The following FHIT variants were observed in gnomAD, a reference collection of about 807,000 sequenced individuals.
FHIT encodes fragile histidine triad diadenosine triphosphatase.
FHIT carries 19 observed loss-of-function variants against 17.9 expected under a neutral mutation model. That is an observed-to-expected ratio of 1.06 (90% CI 0.74 to 1.56). FHIT has a LOEUF of 1.56. FHIT is among the 40% of genes most tolerant of loss of function. FHIT has a pLI of 0.00. For missense variants in FHIT, 248 were observed against 189.2 expected, an observed-to-expected ratio of 1.31 and a Z score of -1.82; for synonymous variants, 81 against 69.7, an observed-to-expected ratio of 1.16 and a Z score of -0.81.
intron 3 of FHIT, among the ~76,000 whole-genome samples, chr3:60,961,903 G>C (rs1395444777): frequency 6.6e-6 from 1 of 152,150 alleles, no homozygotes; most frequent in Non-Finnish European, 1.5e-5. Flanking sequence ...GATTGACTTG[G>C]CAATGTGGGC....
At chr3:59,881,249 T>G (rs2106953725) in intron 8 of FHIT, among the ~76,000 whole-genome samples, 1 of 152,274 alleles carries the variant, frequency 6.6e-6, no homozygotes, top group South Asian at 2.1e-4. Flanking sequence ...AGAGGCCAGG[T>G]TCCAACCCAT....
chr3:60,277,053 T>C (rs1707177780), intron 5 of FHIT, among the ~76,000 whole-genome samples: 1 of 151,960 alleles, frequency 6.6e-6, no homozygotes, highest in Non-Finnish European at 1.5e-5. Context: ...AGCTAGAACT[T>C]TCAGTTACTT....
intron 5 of FHIT, among the ~76,000 whole-genome samples, chr3:60,070,887 G>C (rs990023171): frequency 3.3e-5 from 5 of 152,198 alleles, no homozygotes; most frequent in Non-Finnish European, 2.9e-5. Flanking sequence ...AAATCCACTT[G>C]AGTGCTGGCG....
chr3:60,481,118 C>G (rs1407657805), intron 5 of FHIT, among the ~76,000 whole-genome samples: 7 of 151,928 alleles, frequency 4.6e-5, no homozygotes, highest in Admixed American at 2.6e-4. Flanking sequence ...TTCCACAAGA[C>G]TAGAGAAAAA....
chr3:60,771,968 C>T (rs1027083989), intron 4 of FHIT, among the ~76,000 whole-genome samples: 2 of 152,062 alleles, frequency 1.3e-5, no homozygotes, highest in East Asian at 1.9e-4. Context: ...CAGAGGAGTG[C>T]CCAATCCAGG....
chr3:60,585,900 G>A (rs1443513234), intron 4 of FHIT, among the ~76,000 whole-genome samples: 2 of 151,764 alleles, frequency 1.3e-5, no homozygotes, highest in Non-Finnish European at 2.9e-5. Context: ...TTCACTCCTT[G>A]GGGACTTCTC....
At chr3:61,204,964 T>A (rs1041527125) in intron 1 of FHIT, among the ~76,000 whole-genome samples, 1 of 146,666 alleles carries the variant, frequency 6.8e-6, no homozygotes, top group Admixed American at 6.8e-5. Context: ...CCTAATGCCA[T>A]CCCACCCACC....
At chr3:60,610,566 C>A (rs1171270603) in intron 4 of FHIT, among the ~76,000 whole-genome samples, 3 of 152,088 alleles carry the variant, frequency 2.0e-5, no homozygotes, top group African/African-American at 7.2e-5. Context: ...ACAACTTGAC[C>A]TTATTTCAGC....
At chr3:59,960,032 T>C (rs1032343259) in intron 7 of FHIT, among the ~76,000 whole-genome samples, 12 of 150,852 alleles carry the variant, frequency 8.0e-5, no homozygotes, top group Admixed American at 7.9e-4. Flanking sequence ...AAGAGTGGTA[T>C]GAGAAAAACC....
chr3:60,951,123 G>A (rs547818433), intron 3 of FHIT, among the ~76,000 whole-genome samples: 1 of 152,170 alleles, frequency 6.6e-6, no homozygotes, highest in African/African-American at 2.4e-5. Flanking sequence ...TTGCTTATCT[G>A]TGGCTTTTAT....
chr3:60,508,086 C>T (rs1034883619), intron 5 of FHIT, among the ~76,000 whole-genome samples: 1 of 152,114 alleles, frequency 6.6e-6, no homozygotes, highest in Non-Finnish European at 1.5e-5. Context: ...TGACTGCTAG[C>T]TACATGGAGA....
chr3:60,613,683 C>A, intron 4 of FHIT, among the ~76,000 whole-genome samples: 1 of 151,740 alleles, frequency 6.6e-6, no homozygotes, highest in East Asian at 1.9e-4. Flanking sequence ...TCAGTCATTC[C>A]TACATTTCCC....
chr3:59,936,036 A>T (rs1706221430), intron 7 of FHIT, among the ~76,000 whole-genome samples: 1 of 152,156 alleles, frequency 6.6e-6, no homozygotes, highest in Non-Finnish European at 1.5e-5. Flanking sequence ...ATCCCTTTTA[A>T]AAAACTCCTC....
chr3:60,168,679 CAG>C (rs376866266), intron 5 of FHIT, among the ~76,000 whole-genome samples: 84 of 152,328 alleles, frequency 5.5e-4, no homozygotes, highest in African/African-American at 1.8e-3. Flanking sequence ...AAAGGTAAGA[CAG>C]GGGACATTAT....
chr3:60,212,538 A>T (rs967624914), intron 5 of FHIT, among the ~76,000 whole-genome samples: 4 of 152,208 alleles, frequency 2.6e-5, no homozygotes, highest in Middle Eastern at 3.2e-3. Flanking sequence ...TCTCCAAAAC[A>T]CATATCTCTT....
intron 5 of FHIT, among the ~76,000 whole-genome samples, chr3:60,130,765 T>A (rs568297283): frequency 7.5e-4 from 2 of 2,660 alleles, no homozygotes; most frequent in African/African-American, 3.2e-3. Context: ...TGTGTGTGTG[T>A]TTGTGTGTGT....
chr3:61,055,972 C>T (rs539384315), intron 2 of FHIT, among the ~76,000 whole-genome samples: 1 of 152,304 alleles, frequency 6.6e-6, no homozygotes, highest in East Asian at 1.9e-4. Flanking sequence ...CTTTGTGTTA[C>T]AAATAATTAA....
chr3:60,319,124 A>G (rs1280894243), intron 5 of FHIT, among the ~76,000 whole-genome samples: 1 of 152,142 alleles, frequency 6.6e-6, no homozygotes, highest in Admixed American at 6.6e-5. Context: ...TCACATCTGC[A>G]AAGTCCCTTT....
intron 2 of FHIT, among the ~76,000 whole-genome samples, chr3:61,188,399 G>T (rs1221930395): frequency 2.0e-5 from 3 of 152,094 alleles, no homozygotes; most frequent in Non-Finnish European, 2.9e-5. Context: ...TTGAATCTCT[G>T]AATAGACCAA....
Sources: allele counts gnomAD v4.1 joint callset (sites outside exome capture counted in the v4.1 genomes callset), GRCh38; gene constraint gnomAD v4.1.1; transcripts MANE v1.5; gene names NCBI Gene and HGNC (gene_info 2026-07-23, HGNC 2026-07-21).